Variants in DLGAP2 observed in about 807,000 individuals in gnomAD.
DLGAP2 encodes disks large-associated protein 2.
DLGAP2 carries 26 observed loss-of-function variants against 100.3 expected under a neutral mutation model. The ratio of observed to expected loss-of-function variants is 0.26; its 90% CI spans 0.19 to 0.36. The LOEUF is 0.36. Among genes scored for constraint, DLGAP2 ranks in the 10% least tolerant of loss-of-function variants. The probability of loss-of-function intolerance (pLI) is 1.00; values close to 1 mark genes in which losing one functional copy is unlikely to be tolerated. For synonymous variants in DLGAP2, 886 were observed against 630.1 expected, an observed-to-expected ratio of 1.41 and a Z score of -6.08; for missense variants, 1,858 against 1,453.2, an observed-to-expected ratio of 1.28 and a Z score of -4.53.
chr8:793,644 C>T (rs1032203856), intron 1 of DLGAP2, among the ~76,000 whole-genome samples: 2 of 152,244 alleles, frequency 1.3e-5, no homozygotes, highest in African/African-American at 4.8e-5. Flanking sequence ...CATCTCTGGA[C>T]ATGTGAATTT....
At chr8:1,490,718 G>A (rs1799354363) in intron 3 of DLGAP2, among the ~76,000 whole-genome samples, 1 of 152,134 alleles carries the variant, frequency 6.6e-6, no homozygotes, top group South Asian at 2.1e-4. Flanking sequence ...AACTGACCTG[G>A]GCCCCACACC....
At chr8:1,374,025 G>A (rs1005564131) in intron 3 of DLGAP2, among the ~76,000 whole-genome samples, 1 of 152,190 alleles carries the variant, frequency 6.6e-6, no homozygotes, top group Non-Finnish European at 1.5e-5. Flanking sequence ...GGGGTGGGGC[G>A]TTTGCAGAGG....
intron 8 of DLGAP2, among the ~76,000 whole-genome samples, chr8:1,633,948 T>G (rs1319883727): frequency 6.6e-6 from 1 of 152,226 alleles, no homozygotes; most frequent in Non-Finnish European, 1.5e-5. Context: ...GAGTGTGTCA[T>G]CATACCTGTG....
chr8:901,651 G>A (rs576583072), intron 1 of DLGAP2, among the ~76,000 whole-genome samples: 14 of 152,192 alleles, frequency 9.2e-5, no homozygotes, highest in Non-Finnish European at 1.8e-4. Context: ...TGTGCAGGGA[G>A]GGTTTGGACC....
intron 2 of DLGAP2, among the ~76,000 whole-genome samples, chr8:1,060,511 T>C (rs1298167088): frequency 6.6e-6 from 1 of 152,218 alleles, no homozygotes; most frequent in Admixed American, 6.5e-5. Context: ...TGTGGGTCTC[T>C]GTGTCCTGAG....
At chr8:933,313 A>G (rs1584901506) in intron 2 of DLGAP2, among the ~76,000 whole-genome samples, 1 of 152,180 alleles carries the variant, frequency 6.6e-6, no homozygotes, top group African/African-American at 2.4e-5. Context: ...CCCGGGGGTG[A>G]GGGCAGAGTC....
At chr8:1,419,173 T>G (rs1797020904) in intron 3 of DLGAP2, among the ~76,000 whole-genome samples, 1 of 150,848 alleles carries the variant, frequency 6.6e-6, no homozygotes, top group Non-Finnish European at 1.5e-5. Flanking sequence ...TTGTACATGT[T>G]TGTGGGATAC....
intron 1 of DLGAP2, among the ~76,000 whole-genome samples, chr8:842,724 T>C (rs191270788): frequency 6.6e-6 from 1 of 152,326 alleles, no homozygotes; most frequent in East Asian, 1.9e-4. Context: ...AACTTCATTT[T>C]TTGGGGATTT....
chr8:1,206,118 G>A (rs1797984154), intron 2 of DLGAP2, among the ~76,000 whole-genome samples: 1 of 152,212 alleles, frequency 6.6e-6, no homozygotes, highest in Non-Finnish European at 1.5e-5. Flanking sequence ...CCAAGGTGAT[G>A]TTACTGTGAG....
At position 1,020,941 on chromosome 8, in the gene DLGAP2, G is replaced by T. The variant is rs527303632; in HGVS notation, c.73+112975G>T. The stretch of plus-strand genomic sequence containing the variant: ...ATGCTCATCTAGGTCTTAAGAGCAG[G>T]CAAAGCAATTAATCAATATCCCACT... On this transcript the variant is annotated intron_variant, in intron 2 of 14. Coordinates refer to ENST00000637795, the MANE Select transcript of DLGAP2 (RefSeq NM_001346810.2). 8.5e-5 allele frequency among the ~76,000 whole-genome samples: 13 copies of T among 152,264 alleles called. No individual in the cohort carries two copies. The South Asian group carries it at 2.7e-3, about 32-fold the overall frequency.
At chr8:844,496 T>G (rs12677962) in intron 1 of DLGAP2, among the ~76,000 whole-genome samples, 18,670 of 151,950 alleles carry the variant, frequency 0.12, 1,319 homozygotes, top group East Asian at 0.25. Flanking sequence ...CTACAGTCTC[T>G]CTCGACCCCC....
At chr8:1,372,911 C>T (rs746095995) in intron 3 of DLGAP2, among the ~76,000 whole-genome samples, 4 of 152,174 alleles carry the variant, frequency 2.6e-5, no homozygotes, top group Non-Finnish European at 5.9e-5. Flanking sequence ...TCTAAAGATC[C>T]GTACGGGGCA....
intron 2 of DLGAP2, among the ~76,000 whole-genome samples, chr8:1,223,395 T>A (rs759691226): frequency 2.3e-4 from 35 of 152,344 alleles, no homozygotes; most frequent in Middle Eastern, 3.4e-3. Flanking sequence ...GTGCTGCATT[T>A]TTTAAAGAGT....
intron 6 of DLGAP2, among the ~76,000 whole-genome samples, chr8:1,591,676 C>T (rs770291058): frequency 1.3e-5 from 2 of 152,160 alleles, no homozygotes; most frequent in Non-Finnish European, 2.9e-5. Flanking sequence ...TGTGATTGCT[C>T]TACCCAAAGG....
chr8:843,682 T>G (rs1797022647), intron 1 of DLGAP2, among the ~76,000 whole-genome samples: 1 of 152,228 alleles, frequency 6.6e-6, no homozygotes. Context: ...TGTTGCTTTG[T>G]GTGATGTGAT....
intron 3 of DLGAP2, among the ~76,000 whole-genome samples, chr8:1,334,715 C>T (rs968966548): frequency 1.6e-4 from 25 of 152,140 alleles, no homozygotes; most frequent in Admixed American, 1.6e-3. Flanking sequence ...GCAGCCAGGC[C>T]GTGTGCCTTC....
chr8:1,210,195 C>T (rs1798074281), intron 2 of DLGAP2, among the ~76,000 whole-genome samples: 1 of 152,114 alleles, frequency 6.6e-6, no homozygotes, highest in Admixed American at 6.5e-5. Context: ...CTCTGCTGGG[C>T]ATGTGACAAG....
At position 1,366,521 on chromosome 8, in the gene DLGAP2, G is replaced by A. The variant is rs1026951650; in HGVS notation, c.106+107638G>A. ...TGGTCTTCCTGAGCTGAGGCTTTGGGGATGTTCAGCGGCTGACCTGGGACA... is the reference window on the plus strand; with the variant it reads ...TGGTCTTCCTGAGCTGAGGCTTTGGAGATGTTCAGCGGCTGACCTGGGACA... On this transcript the variant is annotated intron_variant, in intron 3 of 14. Transcript: ENST00000637795. Among the ~76,000 whole-genome samples the A allele has an allele frequency of 2.6e-5, 4 of 152,324 alleles. No homozygotes were observed. The South Asian group carries it at 8.3e-4, about 32-fold the overall frequency.
intron 5 of DLGAP2, among the ~76,000 whole-genome samples, chr8:1,563,582 G>A (rs1264609957): frequency 6.6e-6 from 1 of 152,086 alleles, no homozygotes; most frequent in East Asian, 1.9e-4. Context: ...ACTGTGTGGT[G>A]TTGAGGACTC....
Sources: gnomAD v4.1 joint callset for allele counts (sites outside exome capture counted in the v4.1 genomes callset) on GRCh38, gnomAD v4.1.1 for gene constraint, MANE v1.5 for transcripts, NCBI Gene and HGNC (gene_info 2026-07-23, HGNC 2026-07-21) for gene names.